Variants in ULK4 observed in about 807,000 individuals in gnomAD.
The protein encoded by ULK4 is inactive serine/threonine-protein kinase ULK4.
Under a neutral mutation model 160.6 loss-of-function variants are expected in ULK4, and 133 were observed. That is an observed-to-expected ratio of 0.83 (90% CI 0.72 to 0.96). The LOEUF (loss-of-function observed/expected upper bound fraction) is 0.96, where lower values mean the gene tolerates loss of function less well. Among genes scored for constraint, ULK4 ranks in the 40% least tolerant of loss-of-function variants. ULK4 has a pLI of 0.00. For synonymous variants in ULK4, 534 were observed against 539.8 expected (o/e 0.99, Z 0.15); for missense variants, 1,580 against 1,499.5 (o/e 1.05, Z -0.89).
chr3:41,714,531 CCCT>C (rs1559503207), intron 25 of ULK4, among the ~76,000 whole-genome samples: 1 of 152,052 alleles, frequency 6.6e-6, no homozygotes, highest in Non-Finnish European at 1.5e-5. Flanking sequence ...CTCTGTATTT[CCCT>C]CCTCATTTTA....
intron 20 of ULK4, among the ~76,000 whole-genome samples, chr3:41,794,829 T>C (rs1218859795): frequency 6.6e-6 from 1 of 151,728 alleles, no homozygotes; most frequent in Non-Finnish European, 1.5e-5. Flanking sequence ...GAATTGGCCA[T>C]GTAAAAAACC....
At chr3:41,943,228 AG>A (rs1700014941) in intron 2 of ULK4, among the ~76,000 whole-genome samples, 1 of 151,486 alleles carries the variant, frequency 6.6e-6, no homozygotes, top group Admixed American at 6.6e-5. Flanking sequence ...AAAAAAAAAA[AG>A]AAAGAAATAT....
At chr3:41,256,573 A>G (rs938264051) in intron 35 of ULK4, among the ~76,000 whole-genome samples, 6 of 152,258 alleles carry the variant, frequency 3.9e-5, no homozygotes, top group Admixed American at 2.0e-4. Context: ...TACATCTTAT[A>G]TAAAATGTAA....
intron 31 of ULK4, among the ~76,000 whole-genome samples, chr3:41,591,747 T>C (rs562068152): frequency 6.6e-6 from 1 of 152,344 alleles, no homozygotes; most frequent in South Asian, 2.1e-4. Context: ...AAACGTGTTA[T>C]GTGGTAAATA....
intron 17 of ULK4, chr3:41,854,844 CCA>C (rs2042296558): frequency 6.6e-6 from 1 of 151,620 alleles, no homozygotes; most frequent in Admixed American, 6.6e-5. Flanking sequence ...TCAAGTGCCA[CCA>C]CAGTCCAATA....
chr3:41,657,860 T>C (rs1307625741), intron 30 of ULK4, among the ~76,000 whole-genome samples: 1 of 137,982 alleles, frequency 7.2e-6, no homozygotes, highest in Non-Finnish European at 1.5e-5. Context: ...ACCAAATAAC[T>C]GGGGATGATC....
At chr3:41,488,361 G>C (rs1380554480) in intron 32 of ULK4, among the ~76,000 whole-genome samples, 1 of 152,214 alleles carries the variant, frequency 6.6e-6, no homozygotes, top group Admixed American at 6.5e-5. Flanking sequence ...TTGGAAATTA[G>C]GCATGAACCC....
chr3:41,313,074 G>A (rs1319851213), intron 35 of ULK4, among the ~76,000 whole-genome samples: 3 of 152,194 alleles, frequency 2.0e-5, no homozygotes, highest in African/African-American at 7.2e-5. Context: ...AAAGGCAAGA[G>A]ATGGTTTGAG....
At chr3:41,270,575 G>A (rs911622401) in intron 35 of ULK4, among the ~76,000 whole-genome samples, 14 of 152,296 alleles carry the variant, frequency 9.2e-5, no homozygotes, top group African/African-American at 3.1e-4. Flanking sequence ...GATCCAAGGT[G>A]GCTTTAGAGG....
In ULK4 at chr3:41,931,983, T is replaced by C. The variant is rs1345608373; in HGVS notation, c.402A>G (p.Thr134=). Residue 134 remains threonine, a synonymous_variant, in exon 5 of 37, where the codon ACA becomes ACG. Transcript: ENST00000301831. ...PRKILLEGPG[T]LKFSNFCLAK... is the part of the protein sequence containing the mutation. ...CCAAGCAAAAGTTGCTAAACTTCAG[T>C]GTGCCAGGCCCTTCCAAGAGTATCT... The C allele has an allele frequency of 6.2e-6, 10 of 1,613,946 alleles. No individual in the cohort carries two copies. The highest frequency in any genetic ancestry group is 1.3e-5 in the African/African-American group (1 of 74,916).
At chr3:41,720,667 T>C (rs905894304) in intron 22 of ULK4, among the ~76,000 whole-genome samples, 10 of 151,970 alleles carry the variant, frequency 6.6e-5, no homozygotes, top group Non-Finnish European at 1.5e-4. Flanking sequence ...ATTTCGCTCC[T>C]AATAAAAGAA....
chr3:41,613,168 G>T (rs1457667210), intron 31 of ULK4, among the ~76,000 whole-genome samples: 1 of 152,088 alleles, frequency 6.6e-6, no homozygotes, highest in Non-Finnish European at 1.5e-5. Context: ...CTCAAACTTA[G>T]AAACCAAACC....
chr3:41,258,970 G>C (rs1456623537), intron 35 of ULK4, among the ~76,000 whole-genome samples: 2 of 149,682 alleles, frequency 1.3e-5, no homozygotes, highest in South Asian at 2.1e-4. Context: ...ATACATATAT[G>C]TGTATATATA....
At chr3:41,474,831 A>AAAAAAG (rs2084091607) in intron 32 of ULK4, among the ~76,000 whole-genome samples, 1 of 151,420 alleles carries the variant, frequency 6.6e-6, no homozygotes, top group African/African-American at 2.4e-5. Context: ...TAAAAAAAAA[A>AAAAAAG]AAAGAAAACA....
chr3:41,511,311 C>A (rs185952511), intron 32 of ULK4, among the ~76,000 whole-genome samples: 1 of 149,688 alleles, frequency 6.7e-6, no homozygotes, highest in Admixed American at 6.6e-5. Context: ...TAAATGAAAT[C>A]AAAAAAACAA....
At position 41,802,084 on chromosome 3, in the gene ULK4, T is replaced by C. The variant is rs373947872; in HGVS notation, c.1849-1791A>G. The stretch of plus-strand genomic sequence containing the variant: ...ACATCTTTCAAAAACAAAGATAAAA[T>C]AAGTACCATTCTGAAATGCAAAAGT... On this transcript the variant is annotated intron_variant, in intron 19 of 36. Coordinates refer to ENST00000301831, the MANE Select transcript of ULK4 (RefSeq NM_017886.4). 3.8e-4 allele frequency among the ~76,000 whole-genome samples: 58 copies of C among 151,788 alleles called. No homozygotes were observed. The South Asian group carries it at 0.011, about 29-fold the overall frequency.
At chr3:41,534,338 G>A (rs2086418919) in intron 32 of ULK4, among the ~76,000 whole-genome samples, 2 of 152,134 alleles carry the variant, frequency 1.3e-5, no homozygotes, top group South Asian at 4.1e-4. Flanking sequence ...TATTCTGACA[G>A]TGCTGCTGGT....
intron 35 of ULK4, among the ~76,000 whole-genome samples, chr3:41,386,883 T>A (rs992213144): frequency 2.0e-5 from 3 of 152,118 alleles, no homozygotes; most frequent in Admixed American, 1.3e-4. Flanking sequence ...TCGATACCTA[T>A]GGTAAAGATC....
intron 2 of ULK4, among the ~76,000 whole-genome samples, chr3:41,952,329 T>C (rs1700319102): frequency 6.6e-6 from 1 of 152,122 alleles, no homozygotes; most frequent in Admixed American, 6.6e-5. Flanking sequence ...ATCTAGAATA[T>C]ATAGAGAAGT....
Sources: gnomAD v4.1 joint callset for allele counts (sites outside exome capture counted in the v4.1 genomes callset) on GRCh38, gnomAD v4.1.1 for gene constraint, MANE v1.5 for transcripts, NCBI Gene and HGNC (gene_info 2026-07-23, HGNC 2026-07-21) for gene names.